The following PLAGL1 variants were observed in gnomAD, a reference collection of about 807,000 sequenced individuals.
PLAGL1 encodes PLAG1 like zinc finger 1.
Under a neutral mutation model 4.6 loss-of-function variants are expected in PLAGL1, and 1 was observed. The observed-to-expected ratio is 0.22, with a 90% CI of 0.08 to 1.03. The LOEUF (loss-of-function observed/expected upper bound fraction) is 1.03, where lower values mean the gene tolerates loss of function less well. Ranked by LOEUF, PLAGL1 falls within the 50% of genes least tolerant of loss-of-function variation. The pLI, the probability that PLAGL1 is intolerant of heterozygous loss-of-function variation, is 0.58. For synonymous variants in PLAGL1, 240 were observed against 237.8 expected (o/e 1.01, Z -0.08); for missense variants, 464 against 570.4 (o/e 0.81, Z 1.90).
At chr6:144,018,548 T>C (rs1228292555) in intron 1 of PLAGL1, among the ~76,000 whole-genome samples, 1 of 152,236 alleles carries the variant, frequency 6.6e-6, no homozygotes, top group Non-Finnish European at 1.5e-5. Context: ...AAAATAAGTA[T>C]GTGACATCAG....
chr6:144,018,127 G>A (rs986553736), intron 1 of PLAGL1, among the ~76,000 whole-genome samples: 1 of 152,028 alleles, frequency 6.6e-6, no homozygotes, highest in African/African-American at 2.4e-5. Flanking sequence ...AATTATCAAT[G>A]GATGCTAAAA....
chr6:144,004,115 CT>C lies in PLAGL1; in HGVS notation c.-584+3974del, dbSNP rs1275278080. On this transcript the variant is annotated intron_variant, in intron 1 of 7. Transcript: ENST00000674357. The surrounding 1 kb of genome is among the most constrained non-coding windows in gnomAD (Gnocchi z 4.2). ...ATGGCCACGTGGTAAATAGTTTAGG[CT>C]TTGTGGGCCATATGGCCTCTATAAC... 6.9e-4 allele frequency among the ~76,000 whole-genome samples: 105 copies of C among 152,038 alleles called. No homozygotes were observed. The highest frequency in any genetic ancestry group is 2.1e-4 in the Non-Finnish European group (14 of 68,006).
rs1422653387 is a variant in PLAGL1, at chr6:144,015,713, A to G, written c.-150-46735T>C. Among the ~76,000 whole-genome samples the G allele has an allele frequency of 6.6e-6, 1 of 152,234 alleles. No individual in the cohort carries two copies. Among genetic ancestry groups the G allele is most frequent in the Non-Finnish European group, 1.5e-5 (1 of 68,036 alleles). ...ATACCCACTGGAAAGGCTAAAGTTG[A>G]AAAGACTGAAAATACCAAGGGTTGG... On this transcript the variant is annotated intron_variant, in intron 1 of 3. Transcript: ENST00000437412. The surrounding 1 kb of genome is among the most constrained non-coding windows in gnomAD (Gnocchi z 4.3).
chr6:144,046,464 A>C (rs531976947), intron 1 of PLAGL1, among the ~76,000 whole-genome samples: 1 of 152,196 alleles, frequency 6.6e-6, no homozygotes, highest in East Asian at 1.9e-4. Flanking sequence ...GGTCTGCTGG[A>C]GTTTGCTGGA....
At chr6:144,038,565 C>T (rs887032017) in intron 1 of PLAGL1, among the ~76,000 whole-genome samples, 1 of 151,908 alleles carries the variant, frequency 6.6e-6, no homozygotes, top group Non-Finnish European at 1.5e-5. Flanking sequence ...GATGCCAAGA[C>T]AATTCAATGG....
Position 143,948,080 on chromosome 6 carries a change from G to C in PLAGL1, c.57C>G (p.Phe19Leu), listed in dbSNP as rs777429105. Residue 19 changes from phenylalanine to leucine, a missense_variant, in exon 7 of 8, where the codon TTC becomes TTG. Physicochemically the swap from Phe to Leu is conservative, Grantham distance 22. Transcript: ENST00000674357. The surrounding 1 kb of genome is among the most constrained non-coding windows in gnomAD (Gnocchi z 6.0). ...TGGAGTGGGAATAATTGTGAATCGT[G>C]AACTTCTCCAGGGTGAGGAACGTCT... ...CGKTFLTLEKFTIHNYSHSRE... is the reference protein window; with the variant it reads ...CGKTFLTLEKLTIHNYSHSRE... 2.5e-6 allele frequency: 4 copies of C among 1,613,916 alleles called. No homozygotes were observed. The highest frequency in any genetic ancestry group is 3.4e-6 in the Non-Finnish European group (4 of 1,179,784).
rs189602938 is a variant in PLAGL1, at chr6:144,050,453, C to T, written c.-151+14015G>A. Among the ~76,000 whole-genome samples, 58 of 152,276 alleles carry T rather than the reference C, an allele frequency of 3.8e-4. 1 individual carries two copies. Among genetic ancestry groups the T allele is most frequent in the Admixed American group, 3.6e-3 (55 of 15,282 alleles). On this transcript the variant is annotated intron_variant, in intron 1 of 3. Transcript: ENST00000437412. This position sits in a 1 kb window ranked among gnomAD's most constrained non-coding sequence, Gnocchi z 4.3. ...CGCTCATATGTTATTCTCTTTTCTTCTGTCTGAGGAGAGAAAGATTCTTCT... is the reference window on the plus strand; with the variant it reads ...CGCTCATATGTTATTCTCTTTTCTTTTGTCTGAGGAGAGAAAGATTCTTCT...
At chr6:144,060,993 C>G (rs576795898) in intron 1 of PLAGL1, among the ~76,000 whole-genome samples, 1 of 152,342 alleles carries the variant, frequency 6.6e-6, no homozygotes, top group South Asian at 2.1e-4. Context: ...TTCCTTATAG[C>G]TTTTCCACCA....
At position 144,059,011 on chromosome 6, in the gene PLAGL1, C is replaced by A. The variant is rs986425054; in HGVS notation, c.-151+5457G>T. 5.9e-5 allele frequency among the ~76,000 whole-genome samples: 9 copies of A among 152,220 alleles called. No individual in the cohort carries two copies. Among genetic ancestry groups the A allele is most frequent in the African/African-American group, 2.2e-4 (9 of 41,452 alleles). On this transcript the variant is annotated intron_variant, in intron 1 of 3. Transcript: ENST00000437412. The surrounding 1 kb of genome is among the most constrained non-coding windows in gnomAD (Gnocchi z 4.9). ...GCCCTGGGGGTACTCTGTGTGGTGG[C>A]TCCAGCCCCACATTTTCCCTCTACA...
At position 144,015,855 on chromosome 6, in the gene PLAGL1, T is replaced by C. The variant is rs1795529761; in HGVS notation, c.-150-46877A>G. Among the ~76,000 whole-genome samples the C allele has an allele frequency of 6.6e-6, 1 of 152,248 alleles. No homozygotes were observed. The highest frequency in any genetic ancestry group is 2.1e-4 in the South Asian group (1 of 4,836). ...TAAAGTTAAACATACTCTTATTATA[T>C]GACCCAGCAATCTCAGTCTTAGGTA... is the stretch of plus-strand genomic sequence containing the variant. On this transcript the variant is annotated intron_variant, in intron 1 of 3. Coordinates refer to the PLAGL1 transcript ENST00000437412. The surrounding 1 kb of genome is among the most constrained non-coding windows in gnomAD (Gnocchi z 4.3).
At chr6:144,021,698 G>A (rs1414191770) in intron 1 of PLAGL1, among the ~76,000 whole-genome samples, 1 of 152,190 alleles carries the variant, frequency 6.6e-6, no homozygotes, top group African/African-American at 2.4e-5. Context: ...CATTCTGGAA[G>A]GCCATCATTA....
At chr6:144,040,029 G>A (rs1797602837) in intron 1 of PLAGL1, among the ~76,000 whole-genome samples, 1 of 151,876 alleles carries the variant, frequency 6.6e-6, no homozygotes, top group Non-Finnish European at 1.5e-5. Context: ...ATATACAAAT[G>A]TCAGGGAAAA....
chr6:144,008,168 G>A lies in PLAGL1; in HGVS notation c.-662C>T, dbSNP rs1794749488. On this transcript the variant is annotated 5_prime_UTR_variant, in exon 1 of 8. Coordinates refer to ENST00000674357, the MANE Select transcript of PLAGL1 (RefSeq NM_001317162.2). This position sits in a 1 kb window ranked among gnomAD's most constrained non-coding sequence, Gnocchi z 6.9. The stretch of plus-strand genomic sequence containing the variant: ...TCCGCGGCCATGACGGCGACCCGGG[G>A]AAGCGCCCCGCGCGCCAAGGCCCCG... 6.6e-6 allele frequency: 1 copy of A among 151,976 alleles called. No individual in the cohort carries two copies. The highest frequency in any genetic ancestry group is 2.4e-5 in the African/African-American group (1 of 41,504). 9.4% of individuals were successfully genotyped at this position (151,976 alleles called of 1,614,324 possible).
At position 143,948,909 on chromosome 6, in the gene PLAGL1, T is replaced by C. The variant is rs1032194883; in HGVS notation, c.-324-449A>G. The stretch of plus-strand genomic sequence containing the variant: ...TCATCACTCATTGTTGGCATAACAT[T>C]AGTTGCTTATCACACCTGTTTAAAC... On this transcript the variant is annotated intron_variant, in intron 6 of 7. Transcript: ENST00000674357. The surrounding 1 kb of genome is among the most constrained non-coding windows in gnomAD (Gnocchi z 6.0). Among the ~76,000 whole-genome samples, 2 of 152,234 alleles carry C rather than the reference T, an allele frequency of 1.3e-5. No individual in the cohort carries two copies. The highest frequency in any genetic ancestry group is 2.9e-5 in the Non-Finnish European group (2 of 68,044).
Position 144,033,662 on chromosome 6 carries a change from C to A in PLAGL1, c.-151+30806G>T, listed in dbSNP as rs150602237. On this transcript the variant is annotated intron_variant, in intron 1 of 3. Coordinates refer to the PLAGL1 transcript ENST00000437412. ...GAAAGCCAGAAGTGTAAACAGTGGA[C>A]TGGGATATTTAGCTAAAGAGATGTC... is the stretch of plus-strand genomic sequence containing the variant. Among the ~76,000 whole-genome samples, 4 of 152,266 alleles carry A rather than the reference C, an allele frequency of 2.6e-5. No individual in the cohort carries two copies. In the East Asian group the frequency reaches 7.7e-4, roughly 29 times the overall value.
chr6:144,064,219 C>G lies in PLAGL1; in HGVS notation c.-151+249G>C, dbSNP rs539860783. Among the ~76,000 whole-genome samples the G allele has an allele frequency of 6.6e-6, 1 of 152,224 alleles. No individual in the cohort carries two copies. Among genetic ancestry groups the G allele is most frequent in the South Asian group, 2.1e-4 (1 of 4,828 alleles). On this transcript the variant is annotated intron_variant, in intron 1 of 3. Transcript: ENST00000437412. This position sits in a 1 kb window ranked among gnomAD's most constrained non-coding sequence, Gnocchi z 6.8. The stretch of plus-strand genomic sequence containing the variant: ...GCAGACGACGGAGAAAAGGGAAGCG[C>G]GCCCCAAGCCGCACAAAGGTGGCCG...
In PLAGL1 at chr6:144,015,531, T is replaced by C. The variant is rs1195340290; in HGVS notation, c.-150-46553A>G. 1.3e-5 allele frequency among the ~76,000 whole-genome samples: 2 copies of C among 152,208 alleles called. No individual in the cohort carries two copies. The highest frequency in any genetic ancestry group is 3.8e-4 in the East Asian group (2 of 5,200). On this transcript the variant is annotated intron_variant, in intron 1 of 3. Coordinates refer to the PLAGL1 transcript ENST00000437412. This position sits in a 1 kb window ranked among gnomAD's most constrained non-coding sequence, Gnocchi z 4.3. ...GTCTTCACAATGCATATATCTGACATAGGACTTGCACTAAAATATTTGAAG... is the reference window on the plus strand; with the variant it reads ...GTCTTCACAATGCATATATCTGACACAGGACTTGCACTAAAATATTTGAAG...
At position 143,959,764 on chromosome 6, in the gene PLAGL1, C is replaced by G. The variant is rs1204199841; in HGVS notation, c.-325+705G>C. ...TGACATACTGCAAGTAATACACTGT[C>G]CTAAGCAAAACGCCTAGCACAGAGT... On this transcript the variant is annotated intron_variant, in intron 6 of 7. Coordinates refer to ENST00000674357, the MANE Select transcript of PLAGL1 (RefSeq NM_001317162.2). This position sits in a 1 kb window ranked among gnomAD's most constrained non-coding sequence, Gnocchi z 5.3. 6.6e-6 allele frequency among the ~76,000 whole-genome samples: 1 copy of G among 152,154 alleles called. No homozygotes were observed. Among genetic ancestry groups the G allele is most frequent in the Non-Finnish European group, 1.5e-5 (1 of 68,006 alleles).
rs568906344 is a variant in PLAGL1 at position 143,984,354 on chromosome 6, CAGACCAA to C, written c.-544+774_-544+780del. 1.1e-4 allele frequency among the ~76,000 whole-genome samples: 17 copies of C among 152,286 alleles called. No individual in the cohort carries two copies. Among genetic ancestry groups the C allele is most frequent in the Admixed American group, 5.2e-4 (8 of 15,274 alleles). ...GGTGAAATATGCTGGAGAAACACCACAGACCAAAGGCCATCGATAATCACTTGTTGGA... is the reference window on the plus strand; with the variant it reads ...GGTGAAATATGCTGGAGAAACACCACAGGCCATCGATAATCACTTGTTGGA... On this transcript the variant is annotated intron_variant, in intron 2 of 7. Transcript: ENST00000674357. This position sits in a 1 kb window ranked among gnomAD's most constrained non-coding sequence, Gnocchi z 5.5.
Sources: allele counts gnomAD v4.1 joint callset (sites outside exome capture counted in the v4.1 genomes callset), GRCh38; gene constraint gnomAD v4.1.1; non-coding constraint Gnocchi (gnomAD v3.1); transcripts MANE v1.5; gene names NCBI Gene and HGNC (gene_info 2026-07-23, HGNC 2026-07-21).